The following DNAJC1 variants were observed in gnomAD, a reference collection of about 807,000 sequenced individuals.
The protein encoded by DNAJC1 is DnaJ heat shock protein family (Hsp40) member C1.
A neutral mutation model predicts 76.6 loss-of-function variants in DNAJC1; 58 were observed. The ratio of observed to expected loss-of-function variants is 0.76; its 90% CI spans 0.61 to 0.94. The LOEUF (loss-of-function observed/expected upper bound fraction) is 0.94. Among genes scored for constraint, DNAJC1 ranks in the 40% least tolerant of loss-of-function variants. DNAJC1 has a pLI of 0.00. For missense variants in DNAJC1, 689 were observed against 677.3 expected (o/e 1.02, Z -0.19); for synonymous variants, 258 against 267.9 (o/e 0.96, Z 0.36).
At chr10:21,968,310 C>T (rs1033991506) in intron 1 of DNAJC1, among the ~76,000 whole-genome samples, 1 of 152,094 alleles carries the variant, frequency 6.6e-6, no homozygotes, top group Admixed American at 6.5e-5. Flanking sequence ...TATATAATTT[C>T]ATTGAAACCT....
intron 8 of DNAJC1, among the ~76,000 whole-genome samples, chr10:21,823,611 T>G (rs988712032): frequency 8.5e-5 from 13 of 152,206 alleles, no homozygotes; most frequent in African/African-American, 2.9e-4. Context: ...TTCTGGCTTC[T>G]GATATGCTTT....
intron 9 of DNAJC1, among the ~76,000 whole-genome samples, chr10:21,780,157 T>C (rs1040586162): frequency 9.9e-5 from 15 of 152,214 alleles, no homozygotes; most frequent in Non-Finnish European, 1.9e-4. Flanking sequence ...TGGAACCAAG[T>C]TGGAAAACAC....
intron 1 of DNAJC1, among the ~76,000 whole-genome samples, chr10:21,969,052 CG>C (rs1010888515): frequency 6.6e-6 from 1 of 151,612 alleles, no homozygotes; most frequent in African/African-American, 2.4e-5. Context: ...GGTGAAACCC[CG>C]TATCTACTAA....
chr10:21,808,613 C>T (rs547579316), intron 8 of DNAJC1, among the ~76,000 whole-genome samples: 136 of 152,244 alleles, frequency 8.9e-4, no homozygotes, highest in Admixed American at 4.6e-3. Context: ...TGTAATTCCT[C>T]GGCAATAGTT....
chr10:21,937,911 G>A (rs1268869406), intron 1 of DNAJC1, among the ~76,000 whole-genome samples: 1 of 152,014 alleles, frequency 6.6e-6, no homozygotes, highest in Non-Finnish European at 1.5e-5. Flanking sequence ...ATGAATGAAC[G>A]TGCCATTATG....
intron 1 of DNAJC1, among the ~76,000 whole-genome samples, chr10:21,942,179 T>C (rs1245334969): frequency 6.6e-6 from 1 of 151,818 alleles, no homozygotes; most frequent in Non-Finnish European, 1.5e-5. Flanking sequence ...AGAAAAGCAA[T>C]AGTGTTGATA....
intron 1 of DNAJC1, among the ~76,000 whole-genome samples, chr10:21,939,834 T>C (rs983410518): frequency 2.0e-5 from 3 of 151,854 alleles, no homozygotes; most frequent in African/African-American, 7.3e-5. Flanking sequence ...GATTTATTGA[T>C]TAAAAGCTCA....
intron 7 of DNAJC1, among the ~76,000 whole-genome samples, chr10:21,894,337 A>G (rs1836505587): frequency 6.6e-6 from 1 of 152,188 alleles, no homozygotes; most frequent in South Asian, 2.1e-4. Context: ...TAGGGAGGCC[A>G]AGGCAAGTAG....
chr10:21,775,058 T>C (rs1019168416), intron 9 of DNAJC1, among the ~76,000 whole-genome samples: 3 of 152,232 alleles, frequency 2.0e-5, no homozygotes, highest in Admixed American at 6.5e-5. Context: ...CTATCACAAT[T>C]TAGCTTATCC....
At chr10:21,834,408 G>C (rs1231411981) in intron 8 of DNAJC1, among the ~76,000 whole-genome samples, 4 of 152,226 alleles carry the variant, frequency 2.6e-5, no homozygotes, top group African/African-American at 9.6e-5. Flanking sequence ...GCAGAAGATG[G>C]GTGATTTCTG....
chr10:21,816,053 C>T (rs1248789524), intron 8 of DNAJC1, among the ~76,000 whole-genome samples: 1 of 151,066 alleles, frequency 6.6e-6, no homozygotes, highest in Non-Finnish European at 1.5e-5. Flanking sequence ...CTTCAAGTTT[C>T]ATTTTCTATT....
chr10:21,995,915 T>A (rs1024529232), intron 1 of DNAJC1, among the ~76,000 whole-genome samples: 1 of 152,170 alleles, frequency 6.6e-6, no homozygotes, highest in Non-Finnish European at 1.5e-5. Context: ...AGACAAAAAA[T>A]TTCAGTAAAT....
At chr10:21,915,459 T>C (rs996081561) in intron 6 of DNAJC1, among the ~76,000 whole-genome samples, 2 of 152,188 alleles carry the variant, frequency 1.3e-5, no homozygotes, top group East Asian at 3.9e-4. Context: ...GCTGGAAGCC[T>C]CTGAATCTCC....
At chr10:21,841,472 T>C (rs936652027) in intron 8 of DNAJC1, among the ~76,000 whole-genome samples, 3 of 152,148 alleles carry the variant, frequency 2.0e-5, no homozygotes, top group East Asian at 3.9e-4. Context: ...CAAAAGAAGA[T>C]ATTTATGCAG....
At chr10:21,758,099 C>T (rs765853839) in intron 11 of DNAJC1, among the ~76,000 whole-genome samples, 6 of 152,110 alleles carry the variant, frequency 3.9e-5, no homozygotes, top group Non-Finnish European at 8.8e-5. Flanking sequence ...TTATTTTTCT[C>T]CCCAGGAACT....
At chr10:21,783,668 T>G (rs752666712) in intron 9 of DNAJC1, among the ~76,000 whole-genome samples, 2 of 152,170 alleles carry the variant, frequency 1.3e-5, no homozygotes, top group African/African-American at 4.8e-5. Flanking sequence ...AAGGCTACAG[T>G]AACCAAAACA....
chr10:21,837,806 G>A (rs1355108377), intron 8 of DNAJC1, among the ~76,000 whole-genome samples: 133 of 137,688 alleles, frequency 9.7e-4, no homozygotes, highest in Non-Finnish European at 1.7e-3. Flanking sequence ...CCGGCCAGCC[G>A]CCCCGTCCGG....
rs912292971 is a variant in DNAJC1, at chr10:21,790,974, C to T, written c.1098+15006G>A. ...TATGAGTCAACTATACTATATGCTA[C>T]GTATAAGAAATTCACTTCACTTATA... On this transcript the variant is annotated intron_variant, in intron 9 of 11. Transcript: ENST00000376980. Among the ~76,000 whole-genome samples the T allele has an allele frequency of 4.7e-4, 71 of 151,812 alleles. 1 individual carries two copies. Among genetic ancestry groups the T allele is most frequent in the Admixed American group, 4.6e-4 (7 of 15,240 alleles).
Position 21,813,026 on chromosome 10 carries a change from TACACACACACAC to T in DNAJC1, c.979-6939_979-6928del, listed in dbSNP as rs149245778. ...ATGATAAAAGACATATACACACACA[TACACACACACAC>T]ACACACACACACACATATATATACA... On this transcript the variant is annotated intron_variant, in intron 8 of 11. Coordinates refer to ENST00000376980, the MANE Select transcript of DNAJC1 (RefSeq NM_022365.4). Among the ~76,000 whole-genome samples, 6 of 132,470 alleles carry T rather than the reference TACACACACACAC, an allele frequency of 4.5e-5. No homozygotes were observed. The East Asian group carries it at 6.5e-4, about 14-fold the overall frequency. The allele number at this position is 132,470 out of a possible 152,430, so 86.9% of individuals were successfully genotyped here.
Sources: allele counts gnomAD v4.1 joint callset (sites outside exome capture counted in the v4.1 genomes callset), GRCh38; gene constraint gnomAD v4.1.1; transcripts MANE v1.5; gene names NCBI Gene and HGNC (gene_info 2026-07-23, HGNC 2026-07-21).